The following DCAF12 variants were observed in gnomAD, a reference collection of about 807,000 sequenced individuals.
DCAF12 encodes the protein DDB1 and CUL4 associated factor 12.
Under a neutral mutation model 52.8 loss-of-function variants are expected in DCAF12, and 28 were observed. The observed-to-expected ratio is 0.53, with a 90% confidence interval of 0.39 to 0.73. The LOEUF (loss-of-function observed/expected upper bound fraction) is 0.73. DCAF12 is among the 30% of genes least tolerant of loss of function. The pLI is 0.00. For missense variants in DCAF12, 425 were observed against 552.2 expected (o/e 0.77, Z 2.31); for synonymous variants, 196 against 215.5 (o/e 0.91, Z 0.79).
chr9:34,089,845 T>C, intron 7 of DCAF12: 1 of 363,340 alleles, frequency 2.8e-6, no homozygotes, highest in Admixed American at 4.4e-5. Flanking sequence ...AGATTCCCGA[T>C]GATGCTCAAG....
intron 4 of DCAF12, among the ~76,000 whole-genome samples, chr9:34,098,748 A>G (rs1248168660): frequency 6.6e-6 from 1 of 152,150 alleles, no homozygotes; most frequent in African/African-American, 2.4e-5. Context: ...TAAGTTTGAC[A>G]TGGTTGTTGA....
intron 6 of DCAF12, chr9:34,095,972 A>G (rs564086564): frequency 1.3e-5 from 2 of 152,258 alleles, no homozygotes; most frequent in Admixed American, 1.3e-4. Flanking sequence ...TTACTCTTTA[A>G]AAGACTTTCC....
intron 2 of DCAF12, among the ~76,000 whole-genome samples, chr9:34,112,199 T>C (rs894549770): frequency 1.1e-4 from 17 of 151,886 alleles, no homozygotes; most frequent in Non-Finnish European, 4.4e-5. Flanking sequence ...GGCTTTTCAA[T>C]TCCTGTTTCC....
At chr9:34,096,947 C>G (rs978493874) in intron 5 of DCAF12, among the ~76,000 whole-genome samples, 166 bp from the exon 6 acceptor site, 6 of 152,166 alleles carry the variant, frequency 3.9e-5, no homozygotes, top group Non-Finnish European at 8.8e-5. Context: ...CAGAACCTAG[C>G]TGAATGGCAT....
intron 4 of DCAF12, among the ~76,000 whole-genome samples, chr9:34,103,280 G>A (rs951419666): frequency 1.6e-4 from 24 of 151,512 alleles, no homozygotes; most frequent in African/African-American, 4.8e-4. Context: ...GGTGGCACGC[G>A]CCTGTAGTCC....
At chr9:34,116,669 AAAT>A (rs757145414) in intron 2 of DCAF12, among the ~76,000 whole-genome samples, 21 of 151,890 alleles carry the variant, frequency 1.4e-4, no homozygotes, top group Non-Finnish European at 2.5e-4. Context: ...GTTCTGCCTC[AAAT>A]AATAATAATA....
At chr9:34,100,317 G>A (rs1587733944) in intron 4 of DCAF12, among the ~76,000 whole-genome samples, 1 of 150,474 alleles carries the variant, frequency 6.6e-6, no homozygotes, top group Non-Finnish European at 1.5e-5. Context: ...TCCTGCCTCA[G>A]CCTCCTGAGT....
chr9:34,088,224 A>C lies in DCAF12; in HGVS notation c.*126T>G. The C allele has an allele frequency of 9.2e-7, 1 of 1,088,158 alleles. No homozygotes were observed. The highest frequency in any genetic ancestry group is 1.6e-5 in the African/African-American group (1 of 61,662). 67.4% of individuals were successfully genotyped at this position (1,088,158 alleles called of 1,614,324 possible). On this transcript the variant is annotated 3_prime_UTR_variant, in exon 9 of 9. Coordinates refer to ENST00000361264, the MANE Select transcript of DCAF12 (RefSeq NM_015397.4). ...CTTCTTCCTATTAAGTGCCTAAACT[A>C]TAGGCAAACTTTGGTGTTCCCACTA... is the stretch of plus-strand genomic sequence containing the variant.
intron 2 of DCAF12, among the ~76,000 whole-genome samples, chr9:34,119,049 G>A (rs1292920756): frequency 1.3e-5 from 2 of 152,132 alleles, no homozygotes; most frequent in African/African-American, 2.4e-5. Flanking sequence ...TTGAGGACCA[G>A]GACCATATGG....
intron 2 of DCAF12, among the ~76,000 whole-genome samples, chr9:34,122,450 A>C (rs1261368814): frequency 6.6e-6 from 1 of 150,702 alleles, no homozygotes; most frequent in South Asian, 2.1e-4. Flanking sequence ...TTCCAGTTAT[A>C]TAGGTTCAAG....
intron 4 of DCAF12, among the ~76,000 whole-genome samples, chr9:34,098,945 T>A (rs1032388587): frequency 2.0e-5 from 3 of 151,672 alleles, no homozygotes; most frequent in South Asian, 4.2e-4. Flanking sequence ...TTTTTTTGTA[T>A]TTTTAGTAGA....
intron 3 of DCAF12, among the ~76,000 whole-genome samples, chr9:34,107,105 A>G (rs1456172468): frequency 6.6e-6 from 1 of 152,182 alleles, no homozygotes; most frequent in African/African-American, 2.4e-5. Flanking sequence ...ATGCCTGATG[A>G]ATGAATGGAT....
intron 6 of DCAF12, among the ~76,000 whole-genome samples, chr9:34,095,140 T>C (rs540099121): frequency 2.0e-5 from 3 of 151,706 alleles, no homozygotes; most frequent in African/African-American, 7.3e-5. Flanking sequence ...AGTGGCATGA[T>C]CTCGGCTCAC....
chr9:34,105,755 CTTT>C (rs34136603), intron 4 of DCAF12, among the ~76,000 whole-genome samples: 1 of 143,578 alleles, frequency 7.0e-6, no homozygotes, highest in Non-Finnish European at 1.5e-5. Flanking sequence ...TCTATCCATC[CTTT>C]TTTTTTTTTT....
At chr9:34,106,634 C>T in intron 3 of DCAF12, 140 bp from the exon 4 acceptor site, 2 of 643,820 alleles carry the variant, frequency 3.1e-6, no homozygotes, top group Non-Finnish European at 5.4e-6. Flanking sequence ...CTCTGGTGGT[C>T]TCAACCCACA....
At chr9:34,105,851 C>T (rs1182448079) in intron 4 of DCAF12, among the ~76,000 whole-genome samples, 1 of 151,134 alleles carries the variant, frequency 6.6e-6, no homozygotes, top group Non-Finnish European at 1.5e-5. Context: ...CGGGTTCAAG[C>T]AATTCTCCTG....
intron 1 of DCAF12, chr9:34,125,681 C>T: frequency 4.6e-6 from 2 of 435,252 alleles, no homozygotes; most frequent in Non-Finnish European, 9.7e-6. Flanking sequence ...AAGATACAGT[C>T]CAAGGAGCCA....
At chr9:34,092,187 G>A (rs1267278090) in intron 7 of DCAF12, among the ~76,000 whole-genome samples, 2 of 152,068 alleles carry the variant, frequency 1.3e-5, no homozygotes, top group Non-Finnish European at 2.9e-5. Context: ...TACAATATAC[G>A]ACACATAAAG....
At chr9:34,107,230 C>G in intron 3 of DCAF12, 129 bp downstream of exon 3, 1 of 872,676 alleles carries the variant, frequency 1.1e-6, no homozygotes, top group Non-Finnish European at 1.9e-6. Context: ...GCCCCTTTAT[C>G]AAATATACAC....
Sources: allele counts gnomAD v4.1 joint callset (sites outside exome capture counted in the v4.1 genomes callset), GRCh38; gene constraint gnomAD v4.1.1; transcripts MANE v1.5; gene names NCBI Gene and HGNC (gene_info 2026-07-23, HGNC 2026-07-21).